GRAMD1A: variants seen among roughly 807,000 people sequenced by gnomAD.
GRAMD1A encodes GRAM domain containing 1A, also known as protein Aster-A.
In GRAMD1A, 50 loss-of-function variants were observed where a neutral mutation model predicts 92.0. The observed-to-expected ratio is 0.54, with a 90% CI of 0.43 to 0.69. The LOEUF is 0.69. Among genes scored for constraint, GRAMD1A ranks in the 30% least tolerant of loss-of-function variants. The pLI is 0.00. For missense variants in GRAMD1A, 819 were observed against 978.9 expected (o/e 0.84, Z 2.18); for synonymous variants, 405 against 403.6 (o/e 1.00, Z -0.04).
At chr19:34,996,049 T>C, upstream of GRAMD1A, 10 of 1,535,686 alleles carry the variant, frequency 6.5e-6, no homozygotes, top group Middle Eastern at 1.7e-4. Context: ...CCCTGATGCC[T>C]TGGGAGACCC....
Position 35,019,471 on chromosome 19 carries a change from C to A in GRAMD1A, c.1413C>A (p.Asp471Glu). The change falls in exon 13 of 20, where the codon GAC becomes GAA. Residue 471 changes from aspartate to glutamate, a missense_variant. Physicochemically the swap from Asp to Glu is conservative, Grantham distance 45 (BLOSUM62 2). This residue lies in a region of GRAMD1A where 577 missense variants were observed against 674.6 expected (regional missense o/e 0.86). Coordinates refer to ENST00000317991, the MANE Select transcript of GRAMD1A (RefSeq NM_020895.5). The part of the protein sequence containing the change: ...EVLTQGIPYQ[D>E]YFYTAHRYCI... ...TGACGCAGGGCATCCCCTACCAGGACTACTTCTACACTGCCCACCGCTACT... is the reference window on the plus strand; with the variant it reads ...TGACGCAGGGCATCCCCTACCAGGAATACTTCTACACTGCCCACCGCTACT... The A allele has an allele frequency of 6.2e-7, 1 of 1,613,954 alleles. No individual in the cohort carries two copies. Among genetic ancestry groups the A allele is most frequent in the Non-Finnish European group, 8.5e-7 (1 of 1,179,888 alleles).
At chr19:35,003,183 TGA>T (rs138888435) in intron 1 of GRAMD1A, among the ~76,000 whole-genome samples, 23 of 146,230 alleles carry the variant, frequency 1.6e-4, no homozygotes, top group South Asian at 4.3e-4. Context: ...TGTGTGCATA[TGA>T]GAGAGAGAGA....
chr19:35,007,735 CAGT>C (rs1359150176), intron 1 of GRAMD1A, among the ~76,000 whole-genome samples: 7 of 151,744 alleles, frequency 4.6e-5, no homozygotes, highest in African/African-American at 4.8e-5. Flanking sequence ...AAGCTGATAA[CAGT>C]GGTGTGTACC....
At chr19:35,012,543 A>T (rs1230376958) in intron 7 of GRAMD1A, among the ~76,000 whole-genome samples, 1 of 152,270 alleles carries the variant, frequency 6.6e-6, no homozygotes, top group Admixed American at 6.5e-5. Flanking sequence ...TCGGGGGGCC[A>T]CGATGGCATA....
chr19:34,998,926 G>A (rs964200517), upstream of GRAMD1A, among the ~76,000 whole-genome samples: 1 of 151,862 alleles, frequency 6.6e-6, no homozygotes, highest in Non-Finnish European at 1.5e-5. Flanking sequence ...TGTGAGCCAG[G>A]GGGAGATGAG....
chr19:35,010,361 C>G lies in GRAMD1A; in HGVS notation c.507C>G (p.Ile169Met). ...TAKLIPNAIQICTESEKHFFT... is the reference protein window; with the variant it reads ...TAKLIPNAIQMCTESEKHFFT... ...AGCTGATCCCCAACGCCATCCAGAT[C>G]TGCACGGAGAGCGAGAAGGTGACGG... is the stretch of plus-strand genomic sequence containing the variant. The change falls in exon 6 of 20, where the codon ATC becomes ATG. Residue 169 changes from isoleucine (I) to methionine (M), a missense_variant. By Grantham distance (10) the Ile-to-Met change is conservative. Transcript: ENST00000317991. The G allele has an allele frequency of 6.2e-7, 1 of 1,612,884 alleles. No individual in the cohort carries two copies. The highest frequency in any genetic ancestry group is 8.5e-7 in the Non-Finnish European group (1 of 1,178,778).
chr19:35,014,445 T>G (rs907367446), intron 10 of GRAMD1A, 58 bp downstream of exon 10: 23 of 1,462,840 alleles, frequency 1.6e-5, no homozygotes, highest in Admixed American at 8.4e-5. Context: ...CGCTCAGTCT[T>G]AAGCAAGAGG....
At position 35,009,415 on chromosome 19, in the gene GRAMD1A, C is replaced by T. The variant is rs558298045; in HGVS notation, c.220-8C>T. The T allele has an allele frequency of 2.7e-4, 431 of 1,614,092 alleles. 8 individuals carry two copies. In the South Asian group the frequency reaches 4.5e-3, roughly 17 times the overall value. ...GGCTCATCCTGACTCCTCTCCTTTT[C>T]TTTGCAGAAGATGCAGAGCTGGTAC... On this transcript the variant is annotated splice_polypyrimidine_tract_variant and splice_region_variant and intron_variant, in intron 2 of 19. Coordinates refer to ENST00000317991, the MANE Select transcript of GRAMD1A (RefSeq NM_020895.5).
chr19:35,023,101 T>C, intron 17 of GRAMD1A, 135 bp from the exon 18 acceptor site: 1 of 811,804 alleles, frequency 1.2e-6, no homozygotes, highest in Admixed American at 1.8e-5. Context: ...ACCCTAGGCA[T>C]GTCTCTCATC....
At chr19:35,003,605 G>T (rs1009708787) in intron 1 of GRAMD1A, among the ~76,000 whole-genome samples, 6 of 152,240 alleles carry the variant, frequency 3.9e-5, no homozygotes, top group African/African-American at 1.4e-4. Flanking sequence ...CTGTGGCTGC[G>T]GGAAAGTAGG....
upstream of GRAMD1A, among the ~76,000 whole-genome samples, chr19:34,999,082 G>A (rs1316218475): frequency 1.3e-5 from 2 of 152,100 alleles, no homozygotes; most frequent in Admixed American, 1.3e-4. Flanking sequence ...TCTGGCTGCA[G>A]GTGAGAACAG....
rs1035658758 is a variant in GRAMD1A, at chr19:35,019,238, C to T, written c.1261C>T (p.Arg421Trp). ...TGGGGACAGCAAGTGCCACCAGCGC[C>T]GGGTGCTGACGTACACCATCCCCAT... ...WSGDSKCHQRRVLTYTIPISN... is the reference protein window; with the variant it reads ...WSGDSKCHQRWVLTYTIPISN... Residue 421 changes from arginine (R) to tryptophan (W), a missense_variant, in exon 12 of 20, where the codon CGG (arginine) becomes TGG (tryptophan). Coordinates refer to ENST00000317991, the MANE Select transcript of GRAMD1A (RefSeq NM_020895.5). The T allele has an allele frequency of 4.3e-6, 7 of 1,613,406 alleles. No individual in the cohort carries two copies. Among genetic ancestry groups the T allele is most frequent in the African/African-American group, 1.3e-5 (1 of 75,010 alleles).
intron 3 of GRAMD1A, 176 bp from the exon 4 acceptor site, chr19:35,009,712 G>A (rs990489226): frequency 1.1e-5 from 7 of 642,048 alleles, no homozygotes; most frequent in African/African-American, 1.8e-5. Context: ...TGCTTGGTAC[G>A]GGGCCCGGCT....
intron 11 of GRAMD1A, among the ~76,000 whole-genome samples, chr19:35,017,859 CTGT>C (rs934353904): frequency 2.6e-5 from 4 of 152,154 alleles, no homozygotes; most frequent in Admixed American, 2.0e-4. Flanking sequence ...TAGATATTTC[CTGT>C]TGTTCTCAAG....
In GRAMD1A at chr19:35,022,890, G is replaced by A; in HGVS notation, c.1842-10G>A. ...CATCTCTCTGTCTCCCCTCACTGCT[G>A]CTGCTGCAGGATCTGTGTGAGGTAG... is the stretch of plus-strand genomic sequence containing the variant. On this transcript the variant is annotated splice_polypyrimidine_tract_variant and intron_variant, in intron 16 of 19. Coordinates refer to ENST00000317991, the MANE Select transcript of GRAMD1A (RefSeq NM_020895.5). 6.2e-7 allele frequency: 1 copy of A among 1,604,384 alleles called. No homozygotes were observed. Among genetic ancestry groups the A allele is most frequent in the Non-Finnish European group, 8.5e-7 (1 of 1,175,618 alleles).
In GRAMD1A at chr19:35,021,372, C is replaced by T; in HGVS notation, c.1476-130C>T. 1 of 696,324 alleles carries T rather than the reference C, an allele frequency of 1.4e-6. No homozygotes were observed. The allele number at this position is 696,324 out of a possible 1,614,324, so 43.1% of individuals were successfully genotyped here. A position where few individuals can be genotyped will look rare whatever the true frequency, so the allele number is the denominator to read the frequency against. On this transcript the variant is annotated intron_variant, in intron 13 of 19. Transcript: ENST00000317991. The surrounding 1 kb of genome is among the most constrained non-coding windows in gnomAD (Gnocchi z 5.3). ...GGGAAGCCATGGGGGGTAGGGAACC[C>T]ATCTGTTTTGTCTGTGAGTGACAAG...
At position 35,013,385 on chromosome 19, in the gene GRAMD1A, A is replaced by G; in HGVS notation, c.719+17A>G. On this transcript the variant is annotated intron_variant, in intron 8 of 19. Transcript: ENST00000317991. This position sits in a 1 kb window ranked among gnomAD's most constrained non-coding sequence, Gnocchi z 4.9. ...CGGTCTGGGGTGAGTTGGAGGTCAA[A>G]GGAGGTTGAAGGGTTCGGGGGAGAA... 6.6e-7 allele frequency: 1 copy of G among 1,519,686 alleles called. No individual in the cohort carries two copies. The highest frequency in any genetic ancestry group is 9.0e-7 in the Non-Finnish European group (1 of 1,111,464). 94.1% of individuals were successfully genotyped at this position (1,519,686 alleles called of 1,614,324 possible).
Position 35,026,355 on chromosome 19 carries a change from T to C in GRAMD1A, c.*214T>C, listed in dbSNP as rs1050498423. ...CTGGCAGGCCCCCCACTAACTTATT[T>C]TGCCCGGCTGAGGTTGTGGGGGGCG... is the stretch of plus-strand genomic sequence containing the variant. On this transcript the variant is annotated 3_prime_UTR_variant, in exon 20 of 20. Coordinates refer to ENST00000317991, the MANE Select transcript of GRAMD1A (RefSeq NM_020895.5). 13 of 581,582 alleles carry C rather than the reference T, an allele frequency of 2.2e-5. No individual in the cohort carries two copies. Among genetic ancestry groups the C allele is most frequent in the African/African-American group, 1.9e-4 (10 of 53,578 alleles). 36.0% of individuals were successfully genotyped at this position (581,582 alleles called of 1,614,324 possible).
intron 11 of GRAMD1A, 30 bp downstream of exon 11, chr19:35,015,997 G>T (rs2015601909): frequency 6.2e-7 from 1 of 1,605,166 alleles, no homozygotes; most frequent in South Asian, 1.1e-5. Context: ...AGAGGCTGAG[G>T]TTACCCAGGT....
Sources: allele counts gnomAD v4.1 joint callset (sites outside exome capture counted in the v4.1 genomes callset), GRCh38; gene constraint gnomAD v4.1.1; regional missense constraint gnomAD v4.1.1; non-coding constraint Gnocchi (gnomAD v3.1); transcripts MANE v1.5; gene names NCBI Gene and HGNC (gene_info 2026-07-23, HGNC 2026-07-21).